CDH26: variants seen among roughly 807,000 people sequenced by gnomAD.
CDH26 encodes the protein cadherin-like protein 26.
A neutral mutation model predicts 90.3 loss-of-function variants in CDH26; 83 were observed. The observed-to-expected ratio is 0.92, with a 90% CI of 0.77 to 1.10. The LOEUF is 1.10. Ranked by LOEUF, CDH26 falls within the 50% of genes least tolerant of loss-of-function variation. The pLI is 0.00. For synonymous variants in CDH26, 397 were observed against 396.3 expected (o/e 1.00, Z -0.02); for missense variants, 1,013 against 1,037.6 (o/e 0.98, Z 0.33).
intron 7 of CDH26, among the ~76,000 whole-genome samples, chr20:60,027,128 G>C (rs1373599785): frequency 6.6e-6 from 1 of 152,102 alleles, no homozygotes; most frequent in East Asian, 1.9e-4. Flanking sequence ...ACAGGGTTAT[G>C]GTCTTGGGCA....
intron 7 of CDH26, among the ~76,000 whole-genome samples, chr20:60,023,489 G>T (rs2061974340): frequency 6.6e-6 from 1 of 151,982 alleles, no homozygotes; most frequent in South Asian, 2.1e-4. Flanking sequence ...AAAAACCACT[G>T]CCCATTGTTT....
At chr20:60,011,212 G>C (rs7263220) in intron 17 of CDH26, among the ~76,000 whole-genome samples, 1 of 152,202 alleles carries the variant, frequency 6.6e-6, no homozygotes, top group African/African-American at 2.4e-5. Flanking sequence ...GATGACTCTA[G>C]GTTTCAAGGT....
intron 1 of CDH26, among the ~76,000 whole-genome samples, chr20:59,963,931 A>G (rs2061111752): frequency 6.6e-6 from 1 of 152,080 alleles, no homozygotes; most frequent in South Asian, 2.1e-4. Flanking sequence ...TGGTCTTTCA[A>G]GCCTGCCACA....
At chr20:60,022,403 G>T (rs2061965234) in intron 7 of CDH26, among the ~76,000 whole-genome samples, 2 of 152,114 alleles carry the variant, frequency 1.3e-5, no homozygotes, top group South Asian at 2.1e-4. Context: ...CATCAATTTT[G>T]GTTTTTATGT....
At chr20:60,009,327 C>T (rs1171235647) in intron 17 of CDH26, among the ~76,000 whole-genome samples, 1 of 152,228 alleles carries the variant, frequency 6.6e-6, no homozygotes, top group Non-Finnish European at 1.5e-5. Flanking sequence ...AGCTCTGCTA[C>T]ACTCTCGGGT....
chr20:59,972,982 A>G (rs1420136706), intron 4 of CDH26, among the ~76,000 whole-genome samples: 2 of 152,220 alleles, frequency 1.3e-5, no homozygotes, highest in African/African-American at 2.4e-5. Context: ...TGAACATGCA[A>G]AGATGACTCT....
chr20:60,006,333 C>G (rs1399493772), intron 16 of CDH26, among the ~76,000 whole-genome samples: 1 of 141,362 alleles, frequency 7.1e-6, no homozygotes, highest in Middle Eastern at 3.2e-3. Context: ...AGCAGCCCAT[C>G]ATGGGAAACA....
intron 7 of CDH26, among the ~76,000 whole-genome samples, chr20:60,026,717 CT>C (rs2062001010): frequency 6.6e-6 from 1 of 152,234 alleles, no homozygotes; most frequent in Non-Finnish European, 1.5e-5. Flanking sequence ...GATGCCTTGA[CT>C]TTGGCTCTGT....
Position 59,959,084 on chromosome 20 carries a change from C to T in CDH26, c.69+289C>T, listed in dbSNP as rs1156378834. Reference sequence around the variant, plus strand: ...TTTAGTGAGATTACATCAACACACACGTGTTTTCTTTCTTTGTTTCTTTCT... The same window carrying T: ...TTTAGTGAGATTACATCAACACACATGTGTTTTCTTTCTTTGTTTCTTTCT... On this transcript the variant is annotated intron_variant, in intron 1 of 17. Coordinates refer to ENST00000348616, the MANE Select transcript of CDH26 (RefSeq NM_177980.4). 9.9e-5 allele frequency among the ~76,000 whole-genome samples: 15 copies of T among 152,140 alleles called. No homozygotes were observed. In the East Asian group the frequency reaches 1.2e-3, roughly 12 times the overall value.
rs1368220746 is a variant in CDH26 at position 60,030,601 on chromosome 20, T to G, written c.948-630T>G. ...TCAGAGATGTGCATTTTACCCAAAC[T>G]GAGCCAGTGAGAGTGGGGCCCAGGG... On this transcript the variant is annotated intron_variant, in intron 7 of 8. Coordinates refer to the CDH26 transcript ENST00000370991. This position sits in a 1 kb window ranked among gnomAD's most constrained non-coding sequence, Gnocchi z 4.0. 6.6e-6 allele frequency among the ~76,000 whole-genome samples: 1 copy of G among 152,196 alleles called. No homozygotes were observed. Among genetic ancestry groups the G allele is most frequent in the Non-Finnish European group, 1.5e-5 (1 of 68,034 alleles).
chr20:60,018,163 T>C (rs1003022256), downstream of CDH26, among the ~76,000 whole-genome samples: 1 of 152,070 alleles, frequency 6.6e-6, no homozygotes, highest in Non-Finnish European at 1.5e-5. Context: ...CTTGTTGATT[T>C]TATATCTAAA....
At chr20:60,027,262 G>T (rs2062005245) in intron 7 of CDH26, among the ~76,000 whole-genome samples, 1 of 152,124 alleles carries the variant, frequency 6.6e-6, no homozygotes, top group Non-Finnish European at 1.5e-5. Context: ...GGAGGGTGAT[G>T]GTCATAGGGT....
At chr20:59,967,677 G>A (rs572851286) in intron 1 of CDH26, among the ~76,000 whole-genome samples, 4 of 150,980 alleles carry the variant, frequency 2.6e-5, no homozygotes, top group South Asian at 2.1e-4. Context: ...CCACCCTTTC[G>A]TTTGCTGCTG....
At chr20:59,980,703 AT>A (rs1457344618) in intron 4 of CDH26, among the ~76,000 whole-genome samples, 1 of 152,138 alleles carries the variant, frequency 6.6e-6, no homozygotes, top group Non-Finnish European at 1.5e-5. Flanking sequence ...TTGTCTTCTC[AT>A]TCTTACCTTT....
intron 7 of CDH26, among the ~76,000 whole-genome samples, chr20:60,021,881 C>CAT (rs1239688332): frequency 0.13 from 11,389 of 86,120 alleles, 1,850 homozygotes; most frequent in Non-Finnish European, 0.16. Flanking sequence ...CACACACACA[C>CAT]ACACACACAC....
At chr20:60,001,255 G>A in intron 14 of CDH26, 88 bp from the exon 15 acceptor site, 1 of 1,488,672 alleles carries the variant, frequency 6.7e-7, no homozygotes, top group Non-Finnish European at 9.3e-7. Context: ...TGAGCAAGGG[G>A]AAGTGGTGAG....
At chr20:59,985,179 T>A (rs1455601081) in intron 7 of CDH26, 50 bp downstream of exon 7, 1 of 1,606,880 alleles carries the variant, frequency 6.2e-7, no homozygotes, top group South Asian at 1.1e-5. Context: ...CAAGTAGCCC[T>A]TGGGTCCTAG....
intron 7 of CDH26, among the ~76,000 whole-genome samples, chr20:60,021,863 C>CACACACACACACACACACACACACACAT (rs2061955753): frequency 9.5e-5 from 6 of 63,306 alleles, no homozygotes; most frequent in African/African-American, 3.1e-4. Flanking sequence ...CACACACACA[C>CACACACACACACACACACACACACACAT]ACACACACAC....
downstream of CDH26, among the ~76,000 whole-genome samples, chr20:60,015,509 C>T (rs6071086): frequency 0.37 from 56,307 of 152,036 alleles, 11,321 homozygotes; most frequent in Non-Finnish European, 0.44. Context: ...TTGAGCTCCT[C>T]GTGTATTCCA....
Sources: gnomAD v4.1 joint callset for allele counts (sites outside exome capture counted in the v4.1 genomes callset) on GRCh38, gnomAD v4.1.1 for gene constraint, Gnocchi (gnomAD v3.1) non-coding constraint, MANE v1.5 for transcripts, NCBI Gene and HGNC (gene_info 2026-07-23, HGNC 2026-07-21) for gene names.